Variants in TCF20 observed in about 807,000 individuals in gnomAD.
TCF20 encodes transcription factor 20, also known as SPRE-binding protein.
Under a neutral mutation model 148.6 loss-of-function variants are expected in TCF20, and 3 were observed. The observed-to-expected ratio is 0.02, with a 90% confidence interval of 0.01 to 0.05. The LOEUF is 0.05. TCF20 is among the 10% of genes least tolerant of loss of function. TCF20 has a pLI of 1.00. For missense variants in TCF20, 2,350 were observed against 2,429.3 expected, an observed-to-expected ratio of 0.97 and a Z score of 0.69; for synonymous variants, 1,049 against 909.5, an observed-to-expected ratio of 1.15 and a Z score of -2.76.
rs1252546696 is a variant in TCF20 at position 42,212,368 on chromosome 22, G to A, written c.2938C>T (p.Pro980Ser). 6.2e-7 allele frequency: 1 copy of A among 1,614,254 alleles called. No homozygotes were observed. Among genetic ancestry groups the A allele is most frequent in the South Asian group, 1.1e-5 (1 of 91,090 alleles). The change falls in exon 2 of 6, where the codon CCG (proline) becomes TCG (serine). Residue 980 changes from proline to serine, a missense_variant. Pro to Ser is a moderately conservative substitution (Grantham distance 74). Coordinates refer to ENST00000677622, the MANE Select transcript of TCF20 (RefSeq NM_001378418.1). The part of the protein sequence containing the change: ...ATHDSLSDYG[P>S]QDSRPTPMRR... ...ATTGGCGTGGGTCTGCTGTCTTGCG[G>A]GCCATAGTCTGAAAGGGAATCATGG...
chr22:42,277,004 A>C (rs1926794662), intron 1 of TCF20: 1 of 152,078 alleles, frequency 6.6e-6, no homozygotes, highest in South Asian at 2.1e-4. Flanking sequence ...GAGCGGCTTC[A>C]CCATTCAAGT....
chr22:42,281,032 G>A (rs1003629707), intron 1 of TCF20, among the ~76,000 whole-genome samples: 2 of 152,074 alleles, frequency 1.3e-5, no homozygotes, highest in Non-Finnish European at 2.9e-5. Flanking sequence ...ATAGGTCTGG[G>A]GGACTAGCCA....
At position 42,330,404 on chromosome 22, in the gene TCF20, T is replaced by C. The variant is rs149189072; in HGVS notation, c.-37+13075A>G. Among the ~76,000 whole-genome samples the C allele has an allele frequency of 9.7e-4, 147 of 152,220 alleles. 4 individuals are homozygous for C. The highest frequency in any genetic ancestry group is 3.1e-3 in the African/African-American group (128 of 41,530). The stretch of plus-strand genomic sequence containing the variant: ...GCTCCTTCCCCCCCACCTCAGGGCC[T>C]TTGTACACGCTGTTCCTCCTGCCTG... On this transcript the variant is annotated intron_variant, in intron 1 of 1. Coordinates refer to the TCF20 transcript ENST00000515426.
intron 2 of TCF20, among the ~76,000 whole-genome samples, chr22:42,201,460 A>G (rs1398572833): frequency 6.6e-6 from 1 of 152,142 alleles, no homozygotes; most frequent in Non-Finnish European, 1.5e-5. Context: ...GACATGTTAA[A>G]AAGTTTACTT....
intron 2 of TCF20, among the ~76,000 whole-genome samples, chr22:42,202,145 T>C (rs1226663671): frequency 3.9e-5 from 6 of 152,232 alleles, no homozygotes; most frequent in Non-Finnish European, 8.8e-5. Context: ...CCTGGCAAGA[T>C]GAGCTAGCTG....
At chr22:42,320,128 T>C (rs1159493025) in intron 1 of TCF20, among the ~76,000 whole-genome samples, 1 of 152,166 alleles carries the variant, frequency 6.6e-6, no homozygotes. Context: ...CTCCGCCTTC[T>C]CCACTTCCAT....
rs1935440571 is a variant in TCF20, at chr22:42,161,282, G to A, written c.*121C>T. Reference sequence around the variant, plus strand: ...CGCGGGCGGGGCGGGGCGGGGCAGGGCAGGGTGTGGCTGCACGGTAGGACG... The same window carrying A: ...CGCGGGCGGGGCGGGGCGGGGCAGGACAGGGTGTGGCTGCACGGTAGGACG... On this transcript the variant is annotated 3_prime_UTR_variant, in exon 6 of 6. Transcript: ENST00000677622. The A allele has an allele frequency of 1.2e-6, 2 of 1,610,190 alleles. No individual in the cohort carries two copies. The highest frequency in any genetic ancestry group is 2.7e-5 in the African/African-American group (2 of 74,866).
intron 2 of TCF20, among the ~76,000 whole-genome samples, chr22:42,207,283 G>C (rs572520664): frequency 4.9e-4 from 74 of 152,124 alleles, no homozygotes; most frequent in African/African-American, 1.8e-3. Flanking sequence ...TTCTCCACTT[G>C]GCTTTTAGGA....
intron 1 of TCF20, among the ~76,000 whole-genome samples, chr22:42,321,883 G>A (rs1927739008): frequency 6.6e-6 from 1 of 151,338 alleles, no homozygotes; most frequent in South Asian, 2.1e-4. Context: ...GGAGGCGGAG[G>A]TTGCAGTGAG....
At chr22:42,168,310 A>T (rs1311347657) in intron 5 of TCF20, among the ~76,000 whole-genome samples, 1 of 152,036 alleles carries the variant, frequency 6.6e-6, no homozygotes, top group Non-Finnish European at 1.5e-5. Flanking sequence ...CAAGAAAGAG[A>T]CCTAAAAGCC....
chr22:42,170,016 T>TGTTTTCCTATTAGA, intron 3 of TCF20, 120 bp from the exon 4 acceptor site: 2 of 892,556 alleles, frequency 2.2e-6, no homozygotes, highest in Non-Finnish European at 3.5e-6. Context: ...TTACTTCTAA[T>TGTTTTCCTATTAGA]AGGAAAACAT....
intron 1 of TCF20, among the ~76,000 whole-genome samples, chr22:42,281,696 A>C (rs1336851373): frequency 6.6e-6 from 1 of 152,226 alleles, no homozygotes; most frequent in Non-Finnish European, 1.5e-5. Flanking sequence ...CTGTGGGGAA[A>C]AAACCCCTTG....
intron 1 of TCF20, among the ~76,000 whole-genome samples, chr22:42,308,208 C>G (rs1218210708): frequency 1.3e-5 from 2 of 152,132 alleles, no homozygotes; most frequent in African/African-American, 4.8e-5. Context: ...GAAGCCCTGG[C>G]CCCCAAGGTG....
intron 1 of TCF20, among the ~76,000 whole-genome samples, chr22:42,333,850 C>G (rs996400571): frequency 6.6e-6 from 1 of 152,218 alleles, no homozygotes; most frequent in Non-Finnish European, 1.5e-5. Context: ...CTAGGAGGAG[C>G]ACCGGCCCAC....
At chr22:42,289,650 A>T (rs1321195527) in intron 1 of TCF20, among the ~76,000 whole-genome samples, 1 of 152,298 alleles carries the variant, frequency 6.6e-6, no homozygotes, top group East Asian at 1.9e-4. Context: ...TTAGGCGGCT[A>T]AAGGGAGAGA....
At chr22:42,247,021 A>G (rs772874457) in intron 1 of TCF20, among the ~76,000 whole-genome samples, 28 of 151,922 alleles carry the variant, frequency 1.8e-4, no homozygotes, top group Non-Finnish European at 3.7e-4. Context: ...AAAAGCAAAA[A>G]GCAAAGATTA....
At chr22:42,262,771 C>T (rs988760360) in intron 1 of TCF20, among the ~76,000 whole-genome samples, 7 of 152,106 alleles carry the variant, frequency 4.6e-5, no homozygotes, top group African/African-American at 1.7e-4. Context: ...TCTGAGAACC[C>T]TCCAGTGACC....
At chr22:42,184,162 G>A (rs1936929943) in intron 2 of TCF20, among the ~76,000 whole-genome samples, 1 of 152,090 alleles carries the variant, frequency 6.6e-6, no homozygotes. Context: ...GATCAATAAA[G>A]AAGGAACTCT....
At chr22:42,206,790 T>C (rs754554975) in intron 2 of TCF20, among the ~76,000 whole-genome samples, 5 of 152,224 alleles carry the variant, frequency 3.3e-5, no homozygotes, top group Non-Finnish European at 7.3e-5. Context: ...ATATTTCACA[T>C]TCAATATAAT....
Sources: allele counts gnomAD v4.1 joint callset (sites outside exome capture counted in the v4.1 genomes callset), GRCh38; gene constraint gnomAD v4.1.1; transcripts MANE v1.5; gene names NCBI Gene and HGNC (gene_info 2026-07-23, HGNC 2026-07-21).